Variants in DPH6 observed in about 807,000 individuals in gnomAD.
DPH6 encodes the protein diphthamine biosynthesis 6, also known as diphthine--ammonia ligase.
A neutral mutation model predicts 38.2 loss-of-function variants in DPH6; 33 were observed. That is an observed-to-expected ratio of 0.86 (90% CI 0.65 to 1.15). The LOEUF is 1.15. DPH6 is among the 50% of genes most tolerant of loss of function. The pLI, the probability that DPH6 is intolerant of heterozygous loss-of-function variation, is 0.00. For missense variants in DPH6, 325 were observed against 320.0 expected (o/e 1.02, Z -0.12); for synonymous variants, 108 against 103.0 (o/e 1.05, Z -0.30).
At chr15:35,403,611 G>A (rs1273983922) in intron 6 of DPH6, among the ~76,000 whole-genome samples, 1 of 151,856 alleles carries the variant, frequency 6.6e-6, no homozygotes, top group Non-Finnish European at 1.5e-5. Context: ...CCTGGACTCA[G>A]GTGATCCTCA....
intron 3 of DPH6, among the ~76,000 whole-genome samples, chr15:35,457,916 C>T (rs2141097494): frequency 6.6e-6 from 1 of 152,230 alleles, no homozygotes; most frequent in South Asian, 2.1e-4. Context: ...ACAGTCATCT[C>T]TCATTATCAG....
intron 3 of DPH6, chr15:35,298,318 C>A: frequency 1.6e-6 from 1 of 609,228 alleles, no homozygotes; most frequent in East Asian, 4.2e-5. Flanking sequence ...GCCACCTGTC[C>A]ACCAAAATAC....
intron 3 of DPH6, among the ~76,000 whole-genome samples, chr15:35,487,279 G>C (rs2054416714): frequency 6.6e-6 from 1 of 152,208 alleles, no homozygotes; most frequent in Non-Finnish European, 1.5e-5. Context: ...TCTGGGTGGG[G>C]GTTTCAACCC....
At chr15:35,254,127 T>G (rs1358766550) in intron 3 of DPH6, among the ~76,000 whole-genome samples, 1 of 152,176 alleles carries the variant, frequency 6.6e-6, no homozygotes. Flanking sequence ...TACTCAGAAT[T>G]ATAAAAAATA....
At chr15:35,208,127 T>C in the DPH6 span, among the ~76,000 whole-genome samples, 31 of 152,340 alleles carry the variant, frequency 2.0e-4, no homozygotes, top group African/African-American at 5.8e-4. Flanking sequence ...ATAGTAAAAC[T>C]TAAGTTTAGC....
At chr15:35,353,478 A>G (rs551617430) in intron 3 of DPH6, among the ~76,000 whole-genome samples, 1,982 of 152,318 alleles carry the variant, frequency 0.013, 22 homozygotes, top group Admixed American at 0.019. Flanking sequence ...GAAGGGATCC[A>G]GTTTCAGCTT....
chr15:35,277,601 A>G (rs543983268), intron 3 of DPH6, among the ~76,000 whole-genome samples: 1 of 152,324 alleles, frequency 6.6e-6, no homozygotes, highest in African/African-American at 2.4e-5. Context: ...GAAGACAGAA[A>G]GATGAAGGAA....
At chr15:35,255,042 C>A (rs1456791217) in intron 3 of DPH6, among the ~76,000 whole-genome samples, 1 of 152,000 alleles carries the variant, frequency 6.6e-6, no homozygotes, top group Non-Finnish European at 1.5e-5. Context: ...TACTTTAGGC[C>A]ATCTGGATGT....
At chr15:35,476,012 C>A (rs1018985232) in intron 3 of DPH6, among the ~76,000 whole-genome samples, 6 of 151,532 alleles carry the variant, frequency 4.0e-5, no homozygotes, top group African/African-American at 1.2e-4. Context: ...CTGAGTAGCT[C>A]TACAAACAGT....
At chr15:35,410,104 AC>A (rs2140992764) in intron 6 of DPH6, among the ~76,000 whole-genome samples, 1 of 152,010 alleles carries the variant, frequency 6.6e-6, no homozygotes, top group East Asian at 1.9e-4. Flanking sequence ...TAGAGACAAT[AC>A]TGATGAATTA....
intron 3 of DPH6, among the ~76,000 whole-genome samples, chr15:35,359,124 G>A (rs1461753129): frequency 2.0e-5 from 3 of 152,034 alleles, no homozygotes; most frequent in Admixed American, 6.5e-5. Flanking sequence ...GAGGATTATC[G>A]CTGCCTCTGC....
intron 3 of DPH6, among the ~76,000 whole-genome samples, chr15:35,270,596 G>C (rs531813328): frequency 2.0e-5 from 3 of 152,314 alleles, no homozygotes; most frequent in Admixed American, 2.0e-4. Flanking sequence ...GTCCACAATA[G>C]TGGAGGCTGT....
intron 3 of DPH6, among the ~76,000 whole-genome samples, chr15:35,236,628 G>C (rs1962994): frequency 0.15 from 22,625 of 149,244 alleles, 2,099 homozygotes; most frequent in South Asian, 0.29. Context: ...GACAGAGACA[G>C]AGACTCCATC....
chr15:35,431,479 T>C (rs573773842), intron 5 of DPH6, among the ~76,000 whole-genome samples: 11 of 152,168 alleles, frequency 7.2e-5, no homozygotes, highest in Non-Finnish European at 1.6e-4. Flanking sequence ...TCCAGTACTC[T>C]TTCCTGAAAA....
intron 3 of DPH6, among the ~76,000 whole-genome samples, chr15:35,491,778 T>C (rs1189773821): frequency 6.6e-6 from 1 of 150,576 alleles, no homozygotes; most frequent in African/African-American, 2.4e-5. Flanking sequence ...AATATATGTA[T>C]AGACATATTT....
the DPH6 span, among the ~76,000 whole-genome samples, chr15:35,153,421 G>A: frequency 6.6e-6 from 1 of 152,052 alleles, no homozygotes; most frequent in Non-Finnish European, 1.5e-5. Flanking sequence ...TGTTTAGTGA[G>A]GGTGTCGAAC....
chr15:35,396,089 G>C (rs919215511), intron 6 of DPH6: 1 of 152,092 alleles, frequency 6.6e-6, no homozygotes, highest in Non-Finnish European at 1.5e-5. Flanking sequence ...TGCCAGTTAC[G>C]CTACTTAAAA....
chr15:35,421,290 T>C (rs1297176917), intron 5 of DPH6, among the ~76,000 whole-genome samples: 2 of 152,224 alleles, frequency 1.3e-5, no homozygotes, highest in Admixed American at 6.5e-5. Context: ...TCTAAACTAA[T>C]TTTACAAGGC....
intron 3 of DPH6, among the ~76,000 whole-genome samples, chr15:35,242,074 G>A (rs907500609): frequency 1.4e-5 from 2 of 144,136 alleles, no homozygotes; most frequent in South Asian, 2.4e-4. Flanking sequence ...GCCTCTCTTC[G>A]CTTTCACTTG....
Sources: allele counts gnomAD v4.1 joint callset (sites outside exome capture counted in the v4.1 genomes callset), GRCh38; gene constraint gnomAD v4.1.1; transcripts MANE v1.5; gene names NCBI Gene and HGNC (gene_info 2026-07-23, HGNC 2026-07-21).